The following ACSM2B variants were observed in gnomAD, a reference collection of about 807,000 sequenced individuals.
The protein encoded by ACSM2B is acyl-CoA synthetase medium chain family member 2B, also known as acyl-coenzyme A synthetase ACSM2B, mitochondrial.
ACSM2B carries 58 observed loss-of-function variants against 78.6 expected under a neutral mutation model. The observed-to-expected ratio is 0.74, with a 90% CI of 0.60 to 0.92. The LOEUF is 0.92. Among genes scored for constraint, ACSM2B ranks in the 40% least tolerant of loss-of-function variants. ACSM2B has a pLI of 0.00. For missense variants in ACSM2B, 688 were observed against 711.2 expected (o/e 0.97, Z 0.37); for synonymous variants, 257 against 256.8 (o/e 1.00, Z -0.01).
At chr16:20,569,408 G>C (rs1334836578) in intron 1 of ACSM2B, among the ~76,000 whole-genome samples, 2 of 151,822 alleles carry the variant, frequency 1.3e-5, no homozygotes, top group African/African-American at 4.8e-5. Flanking sequence ...TCTCTATTCT[G>C]TTCCTTCTGT....
At chr16:20,565,525 G>T (rs1056540120) in intron 1 of ACSM2B, among the ~76,000 whole-genome samples, 3 of 152,120 alleles carry the variant, frequency 2.0e-5, no homozygotes, top group Non-Finnish European at 4.4e-5. Context: ...GATGTATAGG[G>T]TGTTTGTTAC....
chr16:20,559,911 T>C lies in ACSM2B; in HGVS notation c.178-464A>G, dbSNP rs1313382784. ...AACATGTATCTTCTGGAAAATGCTA[T>C]TGTATACTCTTGAAAGAATTAGAAT... On this transcript the variant is annotated intron_variant, in intron 2 of 13. Transcript: ENST00000329697. 3.3e-5 allele frequency among the ~76,000 whole-genome samples: 5 copies of C among 151,134 alleles called. 1 individual carries two copies. The highest frequency in any genetic ancestry group is 4.9e-5 in the African/African-American group (2 of 40,522).
At position 20,566,698 on chromosome 16, in the gene ACSM2B, GTATATATATAGTATATATAGTAT is replaced by G. The variant is rs2015876827; in HGVS notation, c.-8-1868_-8-1846del. 1.7e-3 allele frequency among the ~76,000 whole-genome samples: 9 copies of G among 5,436 alleles called. 2 individuals carry two copies. In the South Asian group the frequency reaches 0.062, roughly 38 times the overall value. 3.6% of individuals were successfully genotyped at this position (5,436 alleles called of 152,430 possible). On this transcript the variant is annotated intron_variant, in intron 1 of 13. Coordinates refer to ENST00000329697, the MANE Select transcript of ACSM2B (RefSeq NM_001105069.2). ...ATACATATAGTATATACTATATATAGTATATATATAGTATATATAGTATATACTATATATAGTATATACTATAT... is the reference window on the plus strand; with the variant it reads ...ATACATATAGTATATACTATATATAGATACTATATATAGTATATACTATAT...
At chr16:20,573,415 A>T (rs2016148414) in intron 1 of ACSM2B, among the ~76,000 whole-genome samples, 1 of 149,948 alleles carries the variant, frequency 6.7e-6, no homozygotes, top group African/African-American at 2.5e-5. Flanking sequence ...CCTCAGACAA[A>T]GGTGGAAAGG....
chr16:20,551,473 T>G (rs1264374422), intron 6 of ACSM2B, among the ~76,000 whole-genome samples: 1 of 151,918 alleles, frequency 6.6e-6, no homozygotes, highest in East Asian at 1.9e-4. Flanking sequence ...TGTGAGAATA[T>G]AGCAGTAAGG....
At chr16:20,538,895 T>C (rs1311866903) in intron 13 of ACSM2B, among the ~76,000 whole-genome samples, 4 of 152,096 alleles carry the variant, frequency 2.6e-5, no homozygotes, top group Non-Finnish European at 4.4e-5. Flanking sequence ...GACTCTGATA[T>C]GCAGCTAAGA....
In ACSM2B at chr16:20,566,750, CTATATATAG is replaced by C. The variant is rs1213022016; in HGVS notation, c.-8-1906_-8-1898del. ...CTATATATAGTATATACTATATATA[CTATATATAG>C]TATATATAGATATATAGATACAATA... On this transcript the variant is annotated intron_variant, in intron 1 of 13. Transcript: ENST00000329697. Among the ~76,000 whole-genome samples the C allele has an allele frequency of 5.7e-4, 24 of 42,420 alleles. 3 individuals carry two copies. Among genetic ancestry groups the C allele is most frequent in the African/African-American group, 5.2e-3 (22 of 4,258 alleles). 27.8% of individuals were successfully genotyped at this position (42,420 alleles called of 152,430 possible). A position where few individuals can be genotyped will look rare whatever the true frequency, so the allele number is the denominator to read the frequency against.
intron 8 of ACSM2B, 161 bp from the exon 9 acceptor site, chr16:20,546,635 G>A (rs2015150765): frequency 1.5e-6 from 2 of 1,294,042 alleles, no homozygotes; most frequent in Non-Finnish European, 2.0e-6. Context: ...CCCATTACTG[G>A]AATCACAATC....
At chr16:20,562,879 TTACTGACACTACC>T (rs1401853330) in intron 2 of ACSM2B, among the ~76,000 whole-genome samples, 5 of 152,174 alleles carry the variant, frequency 3.3e-5, no homozygotes, top group African/African-American at 4.8e-5. Flanking sequence ...TCTGGAAAAC[TTACTGACACTACC>T]TAGACCTATG....
At chr16:20,566,648 TA>T (rs2015862384) in intron 1 of ACSM2B, among the ~76,000 whole-genome samples, 1 of 49,758 alleles carries the variant, frequency 2.0e-5, no homozygotes, top group Non-Finnish European at 2.7e-5. Flanking sequence ...ATATATACTA[TA>T]CTATATATAT....
rs184617979 is a variant in ACSM2B, at chr16:20,569,030, G to T, written c.-8-4177C>A. 6.1e-4 allele frequency among the ~76,000 whole-genome samples: 92 copies of T among 151,948 alleles called. No homozygotes were observed. The South Asian group carries it at 7.9e-3, about 13-fold the overall frequency. On this transcript the variant is annotated intron_variant, in intron 1 of 13. Transcript: ENST00000329697. Reference sequence around the variant, plus strand: ...CCATGGGTTGTCTGTTTACTTTGCTGACTGTTCCTTTCGCCATACAAAAGC... The same window carrying T: ...CCATGGGTTGTCTGTTTACTTTGCTTACTGTTCCTTTCGCCATACAAAAGC...
intron 9 of ACSM2B, among the ~76,000 whole-genome samples, chr16:20,546,159 T>C (rs1044012089): frequency 3.3e-5 from 5 of 152,182 alleles, no homozygotes; most frequent in South Asian, 4.1e-4. Flanking sequence ...CTAGCTAATT[T>C]GCTAGATATT....
Position 20,566,044 on chromosome 16 carries a change from G to A in ACSM2B, c.-8-1191C>T, listed in dbSNP as rs1233723599. Among the ~76,000 whole-genome samples, 11 of 147,444 alleles carry A rather than the reference G, an allele frequency of 7.5e-5. No individual in the cohort carries two copies. In the East Asian group the frequency reaches 1.4e-3, roughly 18 times the overall value. On this transcript the variant is annotated intron_variant, in intron 1 of 13. Coordinates refer to ENST00000329697, the MANE Select transcript of ACSM2B (RefSeq NM_001105069.2). ...AGTATTTCATTATATATACATATAT[G>A]CATACTATATATGATACTATAAATA...
At chr16:20,544,705 T>G (rs2015086273) in intron 10 of ACSM2B, 1 of 985,646 alleles carries the variant, frequency 1.0e-6, no homozygotes, top group Non-Finnish European at 1.2e-6. Flanking sequence ...GGATTATCTG[T>G]CTTTACCTTC....
chr16:20,575,140 G>T (rs139325806), intron 1 of ACSM2B, among the ~76,000 whole-genome samples: 3,279 of 150,910 alleles, frequency 0.022, 77 homozygotes, highest in African/African-American at 0.078. Flanking sequence ...ATCATATTAA[G>T]GCACCAACTC....
intron 10 of ACSM2B, among the ~76,000 whole-genome samples, chr16:20,543,687 C>T (rs2015062381): frequency 6.6e-6 from 1 of 152,128 alleles, no homozygotes; most frequent in African/African-American, 2.4e-5. Context: ...AGCCAGGAAG[C>T]CCCCTGGGAC....
At chr16:20,562,122 T>A (rs547151672) in intron 2 of ACSM2B, among the ~76,000 whole-genome samples, 5 of 150,666 alleles carry the variant, frequency 3.3e-5, no homozygotes, top group Non-Finnish European at 4.5e-5. Flanking sequence ...TGATTTTAAG[T>A]TTTTTTTGGT....
intron 1 of ACSM2B, among the ~76,000 whole-genome samples, chr16:20,565,686 A>G (rs1319027649): frequency 2.6e-5 from 4 of 152,106 alleles, no homozygotes; most frequent in Non-Finnish European, 5.9e-5. Flanking sequence ...TTGTTTCTAT[A>G]TAAGTTCTTT....
chr16:20,541,053 G>A, intron 12 of ACSM2B: 1 of 245,994 alleles, frequency 4.1e-6, no homozygotes, highest in Non-Finnish European at 7.9e-6. Context: ...AGATACAGGG[G>A]GAGAAAAGAG....
Sources: gnomAD v4.1 joint callset for allele counts (sites outside exome capture counted in the v4.1 genomes callset) on GRCh38, gnomAD v4.1.1 for gene constraint, MANE v1.5 for transcripts, NCBI Gene and HGNC (gene_info 2026-07-23, HGNC 2026-07-21) for gene names.